INCA1: variants seen among roughly 807,000 people sequenced by gnomAD.
INCA1 encodes protein INCA1.
In INCA1, 28 loss-of-function variants were observed where a neutral mutation model predicts 25.7. The ratio of observed to expected loss-of-function variants is 1.09; its 90% CI spans 0.81 to 1.49. The LOEUF (loss-of-function observed/expected upper bound fraction) is 1.49. INCA1 is among the 40% of genes most tolerant of loss of function. The probability of loss-of-function intolerance (pLI) is 0.00; values close to 1 mark genes in which losing one functional copy is unlikely to be tolerated. For missense variants in INCA1, 309 were observed against 290.9 expected, an observed-to-expected ratio of 1.06 and a Z score of -0.45; for synonymous variants, 111 against 103.6, an observed-to-expected ratio of 1.07 and a Z score of -0.43.
At chr17:4,990,903 A>G (rs1253298373) in intron 2 of INCA1, among the ~76,000 whole-genome samples, 1 of 150,606 alleles carries the variant, frequency 6.6e-6, no homozygotes, top group Non-Finnish European at 1.5e-5. Context: ...ATTGCAAAAA[A>G]TCTCATAATA....
chr17:4,988,684 C>T (rs1328163463), intron 6 of INCA1, 95 bp downstream of exon 6: 15 of 1,576,424 alleles, frequency 9.5e-6, no homozygotes, highest in African/African-American at 1.4e-5. Flanking sequence ...CTCTCAAATC[C>T]AGCTCTCCAG....
In INCA1 at chr17:4,990,879, G is replaced by A. The variant is rs550406426; in HGVS notation, c.45-614C>T. On this transcript the variant is annotated intron_variant, in intron 2 of 6. Coordinates refer to ENST00000576820, the Ensembl canonical transcript of INCA1. ...GCTTGGGTGACAAGAGAGAAACTCC[G>A]TCTCAAAAAAAAAATTGCAAAAAAT... Among the ~76,000 whole-genome samples the A allele has an allele frequency of 4.0e-5, 6 of 148,238 alleles. No homozygotes were observed. The East Asian group carries it at 6.1e-4, about 15-fold the overall frequency.
At chr17:4,990,095 G>A (rs2143177850) in intron 3 of INCA1, 57 bp downstream of exon 3, 3 of 1,611,476 alleles carry the variant, frequency 1.9e-6, no homozygotes, top group Non-Finnish European at 2.5e-6. Flanking sequence ...TGGGTTTATG[G>A]TAGTTTAATC....
intron 2 of INCA1, among the ~76,000 whole-genome samples, chr17:4,992,349 T>G (rs1973929166): frequency 6.6e-6 from 1 of 151,172 alleles, no homozygotes; most frequent in African/African-American, 2.4e-5. Flanking sequence ...GTGACCCAAT[T>G]ATAGCTCACT....
chr17:4,989,371 C>G, intron 5 of INCA1, 57 bp downstream of exon 5: 1 of 1,520,878 alleles, frequency 6.6e-7, no homozygotes, highest in Non-Finnish European at 9.0e-7. Flanking sequence ...TTAGCTCAAA[C>G]TGTTCTGCCC....
At chr17:4,989,988 T>G (rs1409033324) in intron 3 of INCA1, 59 bp from the exon 4 acceptor site, 21 of 1,612,476 alleles carry the variant, frequency 1.3e-5, no homozygotes, top group Middle Eastern at 3.3e-4. Context: ...CCATATTGCT[T>G]CTTTAATAAT....
intron 1 of INCA1, 112 bp from the exon 2 acceptor site, chr17:4,994,587 C>G (rs1974104341): frequency 1.4e-6 from 1 of 701,468 alleles, no homozygotes; most frequent in African/African-American, 1.8e-5. Context: ...GTCAGGAGTT[C>G]AAGACCAGCC....
At chr17:4,988,460 C>T (rs1973525782) in exon 7 of INCA1, 1 of 1,613,698 alleles carries the variant, frequency 6.2e-7, no homozygotes, top group African/African-American at 1.3e-5. Context: ...GGGGTTCCTT[C>T]TGGCTGTGAC....
intron 5 of INCA1, among the ~76,000 whole-genome samples, 177 bp downstream of exon 5, chr17:4,989,251 T>A (rs1973640719): frequency 1.3e-5 from 2 of 152,228 alleles, no homozygotes; most frequent in South Asian, 4.1e-4. Context: ...CCTCCTTCTT[T>A]CCATATTACA....
chr17:4,993,659 C>T (rs1490859807), intron 2 of INCA1, among the ~76,000 whole-genome samples: 2 of 151,472 alleles, frequency 1.3e-5, no homozygotes, highest in South Asian at 2.1e-4. Flanking sequence ...TTAGTAGACA[C>T]GAGTTTCACT....
intron 2 of INCA1, among the ~76,000 whole-genome samples, chr17:4,991,133 G>C (rs1034761360): frequency 1.2e-4 from 18 of 151,808 alleles, no homozygotes; most frequent in African/African-American, 4.4e-4. Flanking sequence ...AGCCAGGCTG[G>C]TCTTGAACTC....
At chr17:4,989,976 A>G (rs770951658) in intron 3 of INCA1, 47 bp from the exon 4 acceptor site, 3 of 1,613,360 alleles carry the variant, frequency 1.9e-6, no homozygotes, top group Non-Finnish European at 2.5e-6. Context: ...GGACATGTCC[A>G]TCCATATTGC....
At chr17:4,992,039 T>C (rs540414752) in intron 2 of INCA1, among the ~76,000 whole-genome samples, 4 of 151,992 alleles carry the variant, frequency 2.6e-5, no homozygotes, top group South Asian at 2.1e-4. Context: ...CGAAATAATA[T>C]AAGGTTTGAG....
intron 1 of INCA1, chr17:4,996,891 A>C (rs1232205543): frequency 6.5e-6 from 1 of 152,878 alleles, no homozygotes; most frequent in African/African-American, 2.4e-5. Context: ...AAAGGGCCTA[A>C]AGTGGGGTCT....
chr17:4,996,145 G>A (rs1029275753), intron 1 of INCA1, among the ~76,000 whole-genome samples: 1 of 152,138 alleles, frequency 6.6e-6, no homozygotes, highest in Non-Finnish European at 1.5e-5. Context: ...AGCAATTTGG[G>A]AGGCGGAAGT....
chr17:4,992,476 G>T (rs1973937367), intron 2 of INCA1, among the ~76,000 whole-genome samples: 1 of 152,082 alleles, frequency 6.6e-6, no homozygotes, highest in Non-Finnish European at 1.5e-5. Context: ...CAGAGATGAG[G>T]TCTCACTATG....
intron 1 of INCA1, among the ~76,000 whole-genome samples, chr17:4,995,162 A>C (rs987285131): frequency 1.3e-5 from 2 of 151,672 alleles, no homozygotes; most frequent in African/African-American, 4.9e-5. Context: ...CTGAAATTGC[A>C]CCACTGCACT....
rs914653156 is a variant in INCA1, at chr17:4,991,213, C to T, written c.45-948G>A. On this transcript the variant is annotated intron_variant, in intron 2 of 6. Transcript: ENST00000576820. ...GATTACAGGTGTGAGCCATTGTGCC[C>T]GGCCTAATCTCAACGTTTTAAGAAA... Among the ~76,000 whole-genome samples the T allele has an allele frequency of 9.2e-5, 14 of 152,194 alleles. No homozygotes were observed. In the East Asian group the frequency reaches 1.7e-3, roughly 19 times the overall value.
exon 7 of INCA1, chr17:4,988,524 G>C: frequency 1.2e-6 from 2 of 1,613,534 alleles, no homozygotes; most frequent in Non-Finnish European, 1.7e-6. Context: ...GCCTCCTCCT[G>C]ATCCAGGGGG....
Sources: gnomAD v4.1 joint callset for allele counts (sites outside exome capture counted in the v4.1 genomes callset) on GRCh38, gnomAD v4.1.1 for gene constraint, MANE v1.5 for transcripts, NCBI Gene and HGNC (gene_info 2026-07-23, HGNC 2026-07-21) for gene names.